The following GSK3B variants were observed in gnomAD, a reference collection of about 807,000 sequenced individuals.
GSK3B encodes the protein glycogen synthase kinase-3 beta.
A neutral mutation model predicts 56.4 loss-of-function variants in GSK3B; 15 were observed. The observed-to-expected ratio is 0.27, with a 90% CI of 0.18 to 0.41. GSK3B has a LOEUF of 0.41. Among genes scored for constraint, GSK3B ranks in the 10% least tolerant of loss-of-function variants. The pLI, the probability that GSK3B is intolerant of heterozygous loss-of-function variation, is 1.00. For missense variants in GSK3B, 300 were observed against 513.4 expected (o/e 0.58, Z 4.02); for synonymous variants, 181 against 188.9 (o/e 0.96, Z 0.34).
rs189961910 is a variant in GSK3B at position 119,873,994 on chromosome 3, C to T, written c.909+2419G>A. The stretch of plus-strand genomic sequence containing the variant: ...CCTAAATAAATGTGCTTTACATAGA[C>T]GATTCAAGTTTGAAAAGCATTAGTA... On this transcript the variant is annotated intron_variant, in intron 8 of 10. Coordinates refer to ENST00000264235, the MANE Select transcript of GSK3B (RefSeq NM_001146156.2). Among the ~76,000 whole-genome samples, 26 of 152,168 alleles carry T rather than the reference C, an allele frequency of 1.7e-4. No homozygotes were observed. In the East Asian group the frequency reaches 4.2e-3, roughly 25 times the overall value.
chr3:119,866,589 C>T, intron 8 of GSK3B: 1 of 1,598,704 alleles, frequency 6.3e-7, no homozygotes, highest in Non-Finnish European at 8.6e-7. Flanking sequence ...TAAGTACATA[C>T]CCGCACTCCT....
intron 1 of GSK3B, among the ~76,000 whole-genome samples, chr3:120,035,202 A>G (rs1340945401): frequency 6.6e-6 from 1 of 152,210 alleles, no homozygotes; most frequent in Non-Finnish European, 1.5e-5. Context: ...CAGAGAGCAA[A>G]TAATATGAAG....
chr3:119,960,309 C>A (rs2057259257), intron 2 of GSK3B, among the ~76,000 whole-genome samples: 2 of 151,766 alleles, frequency 1.3e-5, no homozygotes, highest in African/African-American at 4.8e-5. Context: ...GGAGTAATGG[C>A]AGGGAGAGAA....
chr3:120,076,978 T>C (rs913349902), intron 1 of GSK3B, among the ~76,000 whole-genome samples: 11 of 151,990 alleles, frequency 7.2e-5, no homozygotes, highest in Non-Finnish European at 1.6e-4. Flanking sequence ...TCACCCCTGT[T>C]AGGATATCTA....
At chr3:120,076,872 A>T (rs1319619804) in intron 1 of GSK3B, among the ~76,000 whole-genome samples, 2 of 151,394 alleles carry the variant, frequency 1.3e-5, no homozygotes, top group African/African-American at 4.9e-5. Flanking sequence ...ATTTCCCTAA[A>T]GGTGACCTAA....
At chr3:120,088,634 CCA>C (rs549196554) in intron 1 of GSK3B, among the ~76,000 whole-genome samples, 1 of 151,924 alleles carries the variant, frequency 6.6e-6, no homozygotes, top group Non-Finnish European at 1.5e-5. Context: ...CACCACCACC[CCA>C]CACACACACA....
intron 3 of GSK3B, among the ~76,000 whole-genome samples, chr3:119,935,783 T>C (rs956314295): frequency 6.6e-6 from 1 of 152,018 alleles, no homozygotes; most frequent in East Asian, 1.9e-4. Flanking sequence ...ACCAAAGACA[T>C]GACAAGGAAA....
intron 7 of GSK3B, among the ~76,000 whole-genome samples, chr3:119,898,717 A>G (rs2056595992): frequency 6.6e-6 from 1 of 152,134 alleles, no homozygotes. Context: ...ACTGTGGAGG[A>G]TATGTTCCAA....
intron 1 of GSK3B, among the ~76,000 whole-genome samples, chr3:120,054,105 A>G (rs772505360): frequency 1.3e-5 from 2 of 152,262 alleles, no homozygotes; most frequent in Non-Finnish European, 2.9e-5. Flanking sequence ...AAAGATATTC[A>G]GCATTATCTA....
chr3:120,082,382 G>GTTTTTTTTTTTTT (rs1296252569), intron 1 of GSK3B, among the ~76,000 whole-genome samples: 1 of 72,512 alleles, frequency 1.4e-5, no homozygotes, highest in African/African-American at 5.6e-5. Flanking sequence ...AAATTAGTAT[G>GTTTTTTTTTTTTT]TTCTTTTTTT....
chr3:120,024,464 A>C (rs779313318), intron 1 of GSK3B, among the ~76,000 whole-genome samples: 1 of 152,150 alleles, frequency 6.6e-6, no homozygotes, highest in Non-Finnish European at 1.5e-5. Context: ...TTAACTACTA[A>C]TTTTCTATTT....
intron 1 of GSK3B, among the ~76,000 whole-genome samples, chr3:120,016,626 A>C (rs1194399662): frequency 6.6e-6 from 1 of 152,212 alleles, no homozygotes; most frequent in Non-Finnish European, 1.5e-5. Context: ...AAAGGTGCTG[A>C]GGCCAATATC....
intron 7 of GSK3B, 114 bp from the exon 8 acceptor site, chr3:119,876,622 G>GT (rs1477511250): frequency 1.7e-5 from 11 of 657,416 alleles, no homozygotes; most frequent in Non-Finnish European, 2.2e-5. Context: ...AATAAAATAC[G>GT]TAACTCATTA....
intron 9 of GSK3B, among the ~76,000 whole-genome samples, chr3:119,851,127 T>C (rs902787763): frequency 6.6e-6 from 1 of 152,224 alleles, no homozygotes; most frequent in East Asian, 1.9e-4. Flanking sequence ...TCAATAATTA[T>C]GTGTTCCATA....
chr3:119,885,075 A>G (rs2056420823), intron 7 of GSK3B, among the ~76,000 whole-genome samples: 1 of 152,144 alleles, frequency 6.6e-6, no homozygotes, highest in Non-Finnish European at 1.5e-5. Flanking sequence ...ATATGATTCT[A>G]TACCTAGAAA....
intron 7 of GSK3B, among the ~76,000 whole-genome samples, chr3:119,889,495 G>A (rs1028882601): frequency 3.9e-5 from 6 of 152,034 alleles, no homozygotes; most frequent in African/African-American, 1.4e-4. Flanking sequence ...CTTGAAGACT[G>A]ACTGTAATAT....
intron 8 of GSK3B, among the ~76,000 whole-genome samples, chr3:119,865,182 A>G (rs1293790604): frequency 6.6e-6 from 1 of 152,148 alleles, no homozygotes; most frequent in East Asian, 1.9e-4. Context: ...GGCATATTTT[A>G]TCCCTGAAGG....
At position 119,932,838 on chromosome 3, in the gene GSK3B, G is replaced by T. The variant is rs573502497; in HGVS notation, c.367-9355C>A. The stretch of plus-strand genomic sequence containing the variant: ...AAACATGGAAATATAGGCTGGGTAC[G>T]GTGGCTCACGCTTGTAATCCCAGCA... On this transcript the variant is annotated intron_variant, in intron 3 of 10. Coordinates refer to ENST00000264235, the MANE Select transcript of GSK3B (RefSeq NM_001146156.2). Among the ~76,000 whole-genome samples the T allele has an allele frequency of 3.3e-5, 5 of 152,240 alleles. No individual in the cohort carries two copies. In the South Asian group the frequency reaches 6.2e-4, roughly 19 times the overall value.
intron 9 of GSK3B, among the ~76,000 whole-genome samples, chr3:119,851,256 C>A (rs2055926135): frequency 6.6e-6 from 1 of 152,126 alleles, no homozygotes; most frequent in Admixed American, 6.5e-5. Flanking sequence ...TTTTATACTG[C>A]AAAACACAGA....
Sources: gnomAD v4.1 joint callset for allele counts (sites outside exome capture counted in the v4.1 genomes callset) on GRCh38, gnomAD v4.1.1 for gene constraint, MANE v1.5 for transcripts, NCBI Gene and HGNC (gene_info 2026-07-23, HGNC 2026-07-21) for gene names.